The following GNG4 variants were observed in gnomAD, a reference collection of about 807,000 sequenced individuals.
GNG4 encodes guanine nucleotide-binding protein G(I)/G(S)/G(O) subunit gamma-4.
GNG4 carries 4 observed loss-of-function variants against 5.8 expected under a neutral mutation model. The observed-to-expected ratio is 0.69, with a 90% confidence interval of 0.34 to 1.57. The LOEUF (loss-of-function observed/expected upper bound fraction) is 1.57. GNG4 is among the 40% of genes most tolerant of loss of function. GNG4 has a pLI of 0.06. For missense variants in GNG4, 96 were observed against 95.1 expected (o/e 1.01, Z -0.04); for synonymous variants, 29 against 32.9 (o/e 0.88, Z 0.41).
At chr1:235,579,989 A>G (rs1251789927) in intron 3 of GNG4, among the ~76,000 whole-genome samples, 1 of 152,210 alleles carries the variant, frequency 6.6e-6, no homozygotes, top group Non-Finnish European at 1.5e-5. Flanking sequence ...ATTATTTACA[A>G]TAGTCCAAAG....
At chr1:235,617,276 C>G (rs898628005) in intron 1 of GNG4, among the ~76,000 whole-genome samples, 11 of 152,158 alleles carry the variant, frequency 7.2e-5, no homozygotes, top group Non-Finnish European at 1.6e-4. Context: ...CCTATTACTT[C>G]TCTCAGAGAG....
intron 2 of GNG4, among the ~76,000 whole-genome samples, chr1:235,587,640 A>T (rs56278242): frequency 0.019 from 21 of 1,086 alleles, no homozygotes; most frequent in East Asian, 0.036. Context: ...GTGGAGTGTG[A>T]GTGTGGGAGG....
Position 235,644,026 on chromosome 1 carries a change from G to A in GNG4, c.-123+5636C>T, listed in dbSNP as rs981324226. On this transcript the variant is annotated intron_variant, in intron 1 of 3. Coordinates refer to ENST00000391854, the MANE Select transcript of GNG4 (RefSeq NM_001098722.2). This position sits in a 1 kb window ranked among gnomAD's most constrained non-coding sequence, Gnocchi z 5.9. ...GGAGCACACACAGAAAGATCTGCCC[G>A]AGAGAGTCCCCAAAAGGCACAATTC... Among the ~76,000 whole-genome samples, 1 of 152,198 alleles carries A rather than the reference G, an allele frequency of 6.6e-6. No homozygotes were observed. Among genetic ancestry groups the A allele is most frequent in the Non-Finnish European group, 1.5e-5 (1 of 68,032 alleles).
At chr1:235,630,271 A>C (rs1688904662) in intron 1 of GNG4, among the ~76,000 whole-genome samples, 1 of 152,082 alleles carries the variant, frequency 6.6e-6, no homozygotes, top group African/African-American at 2.4e-5. Flanking sequence ...GACATTCAAG[A>C]ATTCTCTTGT....
chr1:235,568,933 TCTC>T (rs1279646508), intron 3 of GNG4, among the ~76,000 whole-genome samples: 1 of 151,964 alleles, frequency 6.6e-6, no homozygotes, highest in Non-Finnish European at 1.5e-5. Context: ...TTCAAGCAAT[TCTC>T]CTGCCTCAGC....
At position 235,597,633 on chromosome 1, in the gene GNG4, T is replaced by A. The variant is rs1177951201; in HGVS notation, c.-122-2122A>T. 6.1e-5 allele frequency among the ~76,000 whole-genome samples: 9 copies of A among 148,724 alleles called. No individual in the cohort carries two copies. In the East Asian group the frequency reaches 7.8e-4, roughly 13 times the overall value. ...GTGTGTGTGTGTGTGTGTGTGTATT[T>A]TTTTTTTTTTCAGATGGAGTCTCAC... On this transcript the variant is annotated intron_variant, in intron 1 of 3. Transcript: ENST00000391854.
chr1:235,570,908 G>A (rs1411366717), intron 3 of GNG4, among the ~76,000 whole-genome samples: 1 of 69,604 alleles, frequency 1.4e-5, no homozygotes, highest in South Asian at 4.7e-4. Context: ...GTGTGTGTGT[G>A]TATACATATA....
chr1:235,626,186 G>A (rs539153977), intron 1 of GNG4, among the ~76,000 whole-genome samples: 3 of 152,290 alleles, frequency 2.0e-5, no homozygotes, highest in South Asian at 2.1e-4. Flanking sequence ...GACATATGAT[G>A]TTGAGCTTCT....
chr1:235,591,734 A>G (rs1301159291), intron 2 of GNG4, among the ~76,000 whole-genome samples: 1 of 152,246 alleles, frequency 6.6e-6, no homozygotes, highest in African/African-American at 2.4e-5. Context: ...TCGGCTTTCC[A>G]GAAGATGAGG....
rs554364230 is a variant in GNG4 at position 235,628,502 on chromosome 1, T to C, written c.-123+21160A>G. Among the ~76,000 whole-genome samples, 33 of 152,120 alleles carry C rather than the reference T, an allele frequency of 2.2e-4. No individual in the cohort carries two copies. The South Asian group carries it at 6.8e-3, about 32-fold the overall frequency. On this transcript the variant is annotated intron_variant, in intron 1 of 3. Transcript: ENST00000391854. ...TCATGGGCAGTCTTGTGGAGAGTTT[T>C]GTGTCCCCAGGCAGGACCCAAGACC... is the stretch of plus-strand genomic sequence containing the variant.
intron 3 of GNG4, among the ~76,000 whole-genome samples, chr1:235,552,465 A>G (rs1686781222): frequency 6.6e-6 from 1 of 152,178 alleles, no homozygotes; most frequent in Admixed American, 6.5e-5. Flanking sequence ...GCAGGCCAGC[A>G]TGGAGACAGG....
At chr1:235,611,674 C>T (rs1383421856) in intron 1 of GNG4, among the ~76,000 whole-genome samples, 2 of 152,114 alleles carry the variant, frequency 1.3e-5, no homozygotes, top group Non-Finnish European at 2.9e-5. Context: ...GGGGAAAGAG[C>T]CCACTAACTT....
intron 2 of GNG4, among the ~76,000 whole-genome samples, chr1:235,584,657 C>G (rs1687718540): frequency 8.2e-6 from 1 of 122,498 alleles, no homozygotes; most frequent in African/African-American, 2.9e-5. Flanking sequence ...GTAGTGCTAC[C>G]TGTTTCACAG....
In GNG4 at chr1:235,583,840, C is replaced by G; in HGVS notation, c.-2G>C. 1 of 1,607,488 alleles carries G rather than the reference C, an allele frequency of 6.2e-7. No individual in the cohort carries two copies. The highest frequency in any genetic ancestry group is 8.5e-7 in the Non-Finnish European group (1 of 1,174,084). On this transcript the variant is annotated 5_prime_UTR_variant, in exon 3 of 4. Coordinates refer to ENST00000391854, the MANE Select transcript of GNG4 (RefSeq NM_001098722.2). The stretch of plus-strand genomic sequence containing the variant: ...GTTATTAGACATGCCCTCTTTCATT[C>G]TACTGCCCCTAGAAGTAACCAAAGT...
chr1:235,573,809 T>G (rs2841881), intron 3 of GNG4, among the ~76,000 whole-genome samples: 1 of 151,894 alleles, frequency 6.6e-6, no homozygotes, highest in African/African-American at 2.4e-5. Flanking sequence ...AGACTCACAA[T>G]TGGAAATAAC....
rs185933166 is a variant in GNG4, at chr1:235,558,173, C to T, written c.100-5936G>A. Reference sequence around the variant, plus strand: ...GATCAAGAAGTGCTCAGTTTAAGCCCGAATGTGTGGATCTGGGTTGGTTCC... The same window carrying T: ...GATCAAGAAGTGCTCAGTTTAAGCCTGAATGTGTGGATCTGGGTTGGTTCC... On this transcript the variant is annotated intron_variant, in intron 3 of 3. Transcript: ENST00000391854. Among the ~76,000 whole-genome samples, 659 of 152,214 alleles carry T rather than the reference C, an allele frequency of 4.3e-3. 10 individuals carry two copies. The highest frequency in any genetic ancestry group is 0.034 in the Admixed American group (518 of 15,288).
intron 1 of GNG4, among the ~76,000 whole-genome samples, chr1:235,605,037 G>T (rs187649889): frequency 2.6e-5 from 4 of 152,020 alleles, no homozygotes. Context: ...ATTGAGATCC[G>T]GCCAGCTAAG....
At chr1:235,585,870 C>A (rs765522462) in intron 2 of GNG4, among the ~76,000 whole-genome samples, 2 of 152,138 alleles carry the variant, frequency 1.3e-5, no homozygotes, top group Non-Finnish European at 2.9e-5. Context: ...GAATTCAGTA[C>A]TATTCTTAAG....
chr1:235,642,718 A>T lies in GNG4; in HGVS notation c.-123+6944T>A, dbSNP rs775518274. Among the ~76,000 whole-genome samples the T allele has an allele frequency of 1.3e-5, 2 of 152,062 alleles. No individual in the cohort carries two copies. Among genetic ancestry groups the T allele is most frequent in the Non-Finnish European group, 2.9e-5 (2 of 68,022 alleles). On this transcript the variant is annotated intron_variant, in intron 1 of 3. Transcript: ENST00000391854. The surrounding 1 kb of genome is among the most constrained non-coding windows in gnomAD (Gnocchi z 4.3). ...TACAGAAGGATATTTGTTTTGTCCT[A>T]AACTTGCCGTGTGTTCTTGGAGGCG...
Sources: gnomAD v4.1 joint callset for allele counts (sites outside exome capture counted in the v4.1 genomes callset) on GRCh38, gnomAD v4.1.1 for gene constraint, Gnocchi (gnomAD v3.1) non-coding constraint, MANE v1.5 for transcripts, NCBI Gene and HGNC (gene_info 2026-07-23, HGNC 2026-07-21) for gene names.